Variants in MARVELD3 observed in about 807,000 individuals in gnomAD.
MARVELD3 encodes MARVEL domain containing 3.
MARVELD3 carries 28 observed loss-of-function variants against 33.5 expected under a neutral mutation model. The ratio of observed to expected loss-of-function variants is 0.84; its 90% confidence interval spans 0.62 to 1.15. MARVELD3 has a LOEUF of 1.15. Among genes scored for constraint, MARVELD3 ranks in the 50% most tolerant of loss-of-function variants. MARVELD3 has a pLI of 0.00. For missense variants in MARVELD3, 582 were observed against 547.6 expected (o/e 1.06, Z -0.63); for synonymous variants, 241 against 230.4 (o/e 1.05, Z -0.42).
At chr16:71,632,971 CT>C (rs1244872897) in intron 2 of MARVELD3, among the ~76,000 whole-genome samples, 1 of 152,038 alleles carries the variant, frequency 6.6e-6, no homozygotes, top group African/African-American at 2.4e-5. Flanking sequence ...AACTTCCACG[CT>C]TTTTTTCTGA....
chr16:71,627,240 T>G (rs917854653), intron 1 of MARVELD3, among the ~76,000 whole-genome samples: 1 of 152,218 alleles, frequency 6.6e-6, no homozygotes, highest in Admixed American at 6.5e-5. Context: ...CGGTGGCTCA[T>G]GCCTGTAATC....
chr16:71,626,866 T>G lies in MARVELD3; in HGVS notation c.467+170T>G. ...GGCGACCTGGCAGGGAAGGAAAACT[T>G]TAGGGTTCCCCCTTCTCGTGGCCTG... On this transcript the variant is annotated intron_variant, in intron 1 of 2. Transcript: ENST00000268485. This position sits in a 1 kb window ranked among gnomAD's most constrained non-coding sequence, Gnocchi z 5.3. The G allele has an allele frequency of 1.7e-6, 1 of 589,862 alleles. No homozygotes were observed. Among genetic ancestry groups the G allele is most frequent in the South Asian group, 3.2e-5 (1 of 31,292 alleles). 36.5% of individuals were successfully genotyped at this position (589,862 alleles called of 1,614,324 possible).
Position 71,626,523 on chromosome 16 carries a change from C to T in MARVELD3, c.294C>T (p.Gly98=), listed in dbSNP as rs1461859699. 6.5e-7 allele frequency: 1 copy of T among 1,549,654 alleles called. No homozygotes were observed. The highest frequency in any genetic ancestry group is 2.4e-5 in the East Asian group (1 of 40,882). ...GPRRDTHRDA[G]PRAGEHGVWE... is the part of the protein sequence containing the mutation. ...GCCGGGACACACACAGGGACGCGGG[C>T]CCTCGCGCAGGTGAACACGGAGTTT... The change falls in exon 1 of 3, where the codon GGC becomes GGT. Residue 98 remains glycine (G), a synonymous_variant. Coordinates refer to ENST00000268485, the MANE Select transcript of MARVELD3 (RefSeq NM_052858.6). This position sits in a 1 kb window ranked among gnomAD's most constrained non-coding sequence, Gnocchi z 5.3.
chr16:71,628,053 A>T (rs1014339037), intron 1 of MARVELD3, among the ~76,000 whole-genome samples: 7 of 152,184 alleles, frequency 4.6e-5, no homozygotes, highest in Non-Finnish European at 1.0e-4. Context: ...ATGTCCACAC[A>T]GCGGGAGAGC....
intron 2 of MARVELD3, among the ~76,000 whole-genome samples, chr16:71,630,876 C>G (rs1002536971): frequency 1.3e-5 from 2 of 152,126 alleles, no homozygotes; most frequent in African/African-American, 2.4e-5. Context: ...CTGAAAAACA[C>G]TTCCAGCCTA....
chr16:71,631,673 C>G (rs928467290), intron 2 of MARVELD3, among the ~76,000 whole-genome samples: 3 of 152,118 alleles, frequency 2.0e-5, no homozygotes, highest in African/African-American at 7.2e-5. Context: ...GTCTTGAACT[C>G]CTGACCTCGT....
intron 2 of MARVELD3, among the ~76,000 whole-genome samples, chr16:71,629,924 A>G (rs2145274653): frequency 6.6e-6 from 1 of 152,192 alleles, no homozygotes; most frequent in African/African-American, 2.4e-5. Context: ...CTGACGCCCA[A>G]CATTTGATCA....
downstream of MARVELD3, chr16:71,640,839 A>G (rs1320422185): frequency 1.2e-6 from 2 of 1,614,068 alleles, no homozygotes; most frequent in Non-Finnish European, 1.7e-6. Flanking sequence ...TCTCACCTGG[A>G]TGGACTGCCA....
Position 71,626,285 on chromosome 16 carries a change from C to G in MARVELD3, c.56C>G (p.Pro19Arg), listed in dbSNP as rs1363211182. ...EPRARPRERD[P>R]GRRPHPDQGR... ...CGGGCCCGGCCGAGAGAGCGGGACC[C>G]GGGACGGCGCCCCCACCCAGACCAA... is the stretch of plus-strand genomic sequence containing the variant. Residue 19 changes from proline to arginine, a missense_variant, in exon 1 of 3, where the codon CCG (proline) becomes CGG (arginine). Pro to Arg is a moderately radical substitution (Grantham distance 103). Coordinates refer to ENST00000268485, the MANE Select transcript of MARVELD3 (RefSeq NM_052858.6). The surrounding 1 kb of genome is among the most constrained non-coding windows in gnomAD (Gnocchi z 5.3). 6.5e-7 allele frequency: 1 copy of G among 1,541,104 alleles called. No individual in the cohort carries two copies. The highest frequency in any genetic ancestry group is 8.8e-7 in the Non-Finnish European group (1 of 1,142,806).
Position 71,634,928 on chromosome 16 carries a change from T to G in MARVELD3, c.*125T>G, listed in dbSNP as rs1026312389. The G allele has an allele frequency of 1.4e-6, 2 of 1,462,446 alleles. No homozygotes were observed. Among genetic ancestry groups the G allele is most frequent in the African/African-American group, 1.4e-5 (1 of 70,270 alleles). The allele number at this position is 1,462,446 out of a possible 1,614,324, so 90.6% of individuals were successfully genotyped here. A position where few individuals can be genotyped will look rare whatever the true frequency, so the allele number is the denominator to read the frequency against. ...GAAAAGCAGCGAGCCAGCGTTGGTG[T>G]GGTGGGCGGAGCTCCCAGTCGCATG... is the stretch of plus-strand genomic sequence containing the variant. On this transcript the variant is annotated 3_prime_UTR_variant, in exon 3 of 3. Coordinates refer to ENST00000268485, the MANE Select transcript of MARVELD3 (RefSeq NM_052858.6).
Position 71,633,448 on chromosome 16 carries a change from C to T in MARVELD3, c.596-745C>T, listed in dbSNP as rs148809817. ...ACGGAGTGTCGCCCAGGCTAGAATG[C>T]AGTGGCGCGATCTCAGTTCACTGTA... On this transcript the variant is annotated intron_variant, in intron 2 of 2. Coordinates refer to ENST00000268485, the MANE Select transcript of MARVELD3 (RefSeq NM_052858.6). 1.8e-3 allele frequency among the ~76,000 whole-genome samples: 267 copies of T among 152,292 alleles called. 13 individuals are homozygous for T. The East Asian group carries it at 0.046, about 26-fold the overall frequency.
downstream of MARVELD3, among the ~76,000 whole-genome samples, chr16:71,637,346 T>G (rs962110258): frequency 6.6e-6 from 1 of 151,984 alleles, no homozygotes; most frequent in Middle Eastern, 3.2e-3. Context: ...CTGTTTTCCT[T>G]CAGGGGGCGA....
At chr16:71,629,301 A>G in intron 1 of MARVELD3, 66 bp from the exon 2 acceptor site, 1 of 1,465,480 alleles carries the variant, frequency 6.8e-7, no homozygotes, top group Non-Finnish European at 9.0e-7. Context: ...AGGAGTCAAG[A>G]GTTCTAATCC....
chr16:71,634,908 G>T lies in MARVELD3; in HGVS notation c.*105G>T. Reference sequence around the variant, plus strand: ...TGTGGAAGTTTCCAGTGCTGGAAAAGCAGCGAGCCAGCGTTGGTGTGGTGG... The same window carrying T: ...TGTGGAAGTTTCCAGTGCTGGAAAATCAGCGAGCCAGCGTTGGTGTGGTGG... On this transcript the variant is annotated 3_prime_UTR_variant, in exon 3 of 3. Transcript: ENST00000268485. The T allele has an allele frequency of 6.7e-7, 1 of 1,491,676 alleles. No homozygotes were observed. The highest frequency in any genetic ancestry group is 8.9e-7 in the Non-Finnish European group (1 of 1,125,082). 92.4% of individuals were successfully genotyped at this position (1,491,676 alleles called of 1,614,324 possible).
rs1272157315 is a variant in MARVELD3 at position 71,635,363 on chromosome 16, G to A, written c.*560G>A. On this transcript the variant is annotated 3_prime_UTR_variant, in exon 3 of 3. Coordinates refer to ENST00000268485, the MANE Select transcript of MARVELD3 (RefSeq NM_052858.6). Reference sequence around the variant, plus strand: ...AAAAAGCAAAAAAACTGGACCCCAAGAGCCACAAGGAAAAAGCATGTACTA... The same window carrying A: ...AAAAAGCAAAAAAACTGGACCCCAAAAGCCACAAGGAAAAAGCATGTACTA... The A allele has an allele frequency of 3.2e-5, 31 of 984,052 alleles. No individual in the cohort carries two copies. Among genetic ancestry groups the A allele is most frequent in the Non-Finnish European group, 3.4e-5 (28 of 830,050 alleles). 61.0% of individuals were successfully genotyped at this position (984,052 alleles called of 1,614,324 possible).
Position 71,627,503 on chromosome 16 carries a change from C to CAA in MARVELD3, c.467+822_467+823dup, listed in dbSNP as rs527720211. Among the ~76,000 whole-genome samples the CAA allele has an allele frequency of 3.6e-3, 359 of 100,398 alleles. 2 individuals are homozygous for CAA. Among genetic ancestry groups the CAA allele is most frequent in the African/African-American group, 5.6e-3 (146 of 25,902 alleles). The allele number at this position is 100,398 out of a possible 152,430, so 65.9% of individuals were successfully genotyped here. A position where few individuals can be genotyped will look rare whatever the true frequency, so the allele number is the denominator to read the frequency against. ...TGGGCGACAAAGCGAGACTCCGTCT[C>CAA]AAAAAAAAAAAAAAAAGTCAGATGG... On this transcript the variant is annotated intron_variant, in intron 1 of 2. Transcript: ENST00000268485.
In MARVELD3 at chr16:71,626,677, G is replaced by C; in HGVS notation, c.448G>C (p.Gly150Arg). 2 of 1,509,150 alleles carry C rather than the reference G, an allele frequency of 1.3e-6. No homozygotes were observed. Among genetic ancestry groups the C allele is most frequent in the Non-Finnish European group, 1.8e-6 (2 of 1,133,932 alleles). The allele number at this position is 1,509,150 out of a possible 1,614,324, so 93.5% of individuals were successfully genotyped here. Residue 150 changes from glycine (G) to arginine (R), a missense_variant, in exon 1 of 3, where the codon GGG becomes CGG. Physicochemically the swap from Gly to Arg is moderately radical, Grantham distance 125. Transcript: ENST00000268485. The surrounding 1 kb of genome is among the most constrained non-coding windows in gnomAD (Gnocchi z 5.3). ...GCAGCCGCAGAGGAAGGGAGACCCC[G>C]GGCGCCGCAGACCCGAAAGGTGAGA... ...PPQPQRKGDP[G>R]RRRPESEPPS...
At chr16:71,633,941 GCT>G (rs1338176926) in intron 2 of MARVELD3, among the ~76,000 whole-genome samples, 1 of 152,024 alleles carries the variant, frequency 6.6e-6, no homozygotes, top group Non-Finnish European at 1.5e-5. Flanking sequence ...TCCTCCTGCC[GCT>G]CTCTCAGGGC....
downstream of MARVELD3, among the ~76,000 whole-genome samples, chr16:71,637,184 G>A (rs1216727340): frequency 1.3e-5 from 2 of 152,126 alleles, no homozygotes; most frequent in East Asian, 1.9e-4. Flanking sequence ...GAATATCATT[G>A]GACCCAGCAG....
Sources: gnomAD v4.1 joint callset for allele counts (sites outside exome capture counted in the v4.1 genomes callset) on GRCh38, gnomAD v4.1.1 for gene constraint, Gnocchi (gnomAD v3.1) non-coding constraint, MANE v1.5 for transcripts, NCBI Gene and HGNC (gene_info 2026-07-23, HGNC 2026-07-21) for gene names.